The following MYO9B variants were observed in gnomAD, a reference collection of about 807,000 sequenced individuals.
MYO9B encodes myosin IXB, also known as unconventional myosin-IXb.
MYO9B carries 71 observed loss-of-function variants against 229.5 expected under a neutral mutation model. The ratio of observed to expected loss-of-function variants is 0.31; its 90% confidence interval spans 0.26 to 0.38. The LOEUF (loss-of-function observed/expected upper bound fraction) is 0.38, where lower values mean the gene tolerates loss of function less well. Ranked by LOEUF, MYO9B falls within the 10% of genes least tolerant of loss-of-function variation. The probability of loss-of-function intolerance (pLI) is 1.00; values close to 1 mark genes in which losing one functional copy is unlikely to be tolerated. For synonymous variants in MYO9B, 1,185 were observed against 1,235.8 expected (o/e 0.96, Z 0.86); for missense variants, 2,255 against 2,920.5 (o/e 0.77, Z 5.25).
chr19:17,158,593 TAAA>T (rs77913861), intron 7 of MYO9B, among the ~76,000 whole-genome samples: 1 of 137,952 alleles, frequency 7.2e-6, no homozygotes, highest in African/African-American at 2.7e-5. Flanking sequence ...AGACTCCATC[TAAA>T]AAAAAAAAAA....
At chr19:17,125,343 T>G (rs760625766) in intron 2 of MYO9B, among the ~76,000 whole-genome samples, 7 of 124,066 alleles carry the variant, frequency 5.6e-5, no homozygotes, top group Non-Finnish European at 1.1e-4. Flanking sequence ...AGGGGAAATA[T>G]GATAAATTCT....
chr19:17,183,369 A>G (rs753834974), intron 15 of MYO9B, among the ~76,000 whole-genome samples: 2 of 152,152 alleles, frequency 1.3e-5, no homozygotes, highest in Non-Finnish European at 2.9e-5. Flanking sequence ...ATCTACCAGC[A>G]CATGGCAAAG....
At chr19:17,183,947 G>A in intron 16 of MYO9B, 79 bp downstream of exon 16, 1 of 1,361,320 alleles carries the variant, frequency 7.3e-7, no homozygotes, top group South Asian at 1.3e-5. Context: ...TTTCACTTCT[G>A]CAACTTCATT....
rs775033662 is a variant in MYO9B at position 17,195,763 on chromosome 19, G to T, written c.4046+290G>T. ...GGCTCCTCAGGTCAAGGTCCCTGCT[G>T]CCCAGAAATCTTGGGCCTTGGTTTC... On this transcript the variant is annotated intron_variant, in intron 22 of 39. Transcript: ENST00000682292. This position sits in a 1 kb window ranked among gnomAD's most constrained non-coding sequence, Gnocchi z 4.5. Among the ~76,000 whole-genome samples, 8 of 152,128 alleles carry T rather than the reference G, an allele frequency of 5.3e-5. No homozygotes were observed. The highest frequency in any genetic ancestry group is 4.1e-4 in the South Asian group (2 of 4,828).
intron 1 of MYO9B, among the ~76,000 whole-genome samples, chr19:17,096,362 A>T (rs1027755616): frequency 6.6e-6 from 1 of 152,098 alleles, no homozygotes; most frequent in Non-Finnish European, 1.5e-5. Context: ...GAAACTGCTG[A>T]AGTGTTTTCT....
intron 2 of MYO9B, chr19:17,103,921 T>A (rs2057768937): frequency 6.6e-6 from 1 of 151,906 alleles, no homozygotes; most frequent in South Asian, 2.1e-4. Context: ...CCAGGCATGA[T>A]GGTGTGTGCC....
chr19:17,181,773 C>T (rs981481943), intron 15 of MYO9B, among the ~76,000 whole-genome samples: 22 of 152,092 alleles, frequency 1.4e-4, no homozygotes, highest in African/African-American at 3.9e-4. Context: ...TTCTTTATTT[C>T]GTTCTTTCGT....
intron 2 of MYO9B, among the ~76,000 whole-genome samples, chr19:17,139,560 C>G (rs1395676698): frequency 2.0e-5 from 3 of 152,188 alleles, no homozygotes; most frequent in Non-Finnish European, 4.4e-5. Flanking sequence ...GCCTGGGCAA[C>G]ACAGTGAAAC....
chr19:17,185,158 G>A (rs997614876), intron 17 of MYO9B, among the ~76,000 whole-genome samples, 171 bp downstream of exon 17: 5 of 152,108 alleles, frequency 3.3e-5, no homozygotes, highest in African/African-American at 1.2e-4. Context: ...GGCGGATCAC[G>A]AGGTCAGGAG....
chr19:17,156,397 A>G (rs1229344320), intron 6 of MYO9B, among the ~76,000 whole-genome samples: 2 of 152,046 alleles, frequency 1.3e-5, no homozygotes, highest in Non-Finnish European at 2.9e-5. Context: ...CCTGGGTGAC[A>G]GAGTGAGACC....
chr19:17,112,689 G>A lies in MYO9B; in HGVS notation c.840+10132G>A, dbSNP rs987872300. The stretch of plus-strand genomic sequence containing the variant: ...GGTGCTTCGTTCAAGCAGCTGATGG[G>A]GCATCCAAGGGAGAATTGTGCACCA... On this transcript the variant is annotated intron_variant, in intron 2 of 39. Transcript: ENST00000682292. Among the ~76,000 whole-genome samples, 16 of 152,290 alleles carry A rather than the reference G, an allele frequency of 1.1e-4. 1 individual carries two copies. Among genetic ancestry groups the A allele is most frequent in the South Asian group, 1.0e-3 (5 of 4,830 alleles).
chr19:17,168,806 T>C (rs1351706549), intron 11 of MYO9B, among the ~76,000 whole-genome samples: 1 of 151,802 alleles, frequency 6.6e-6, no homozygotes, highest in Non-Finnish European at 1.5e-5. Flanking sequence ...TGGCGAGTTG[T>C]TACAAAGGGC....
In MYO9B at chr19:17,136,967, C is replaced by T. The variant is rs563915600; in HGVS notation, c.841-8430C>T. ...AAATTAGGCCAGGCACAGAGGCTCA[C>T]GCCTGTAATCCCAGCACTTTGGGAA... is the stretch of plus-strand genomic sequence containing the variant. On this transcript the variant is annotated intron_variant, in intron 2 of 39. Coordinates refer to ENST00000682292, the MANE Select transcript of MYO9B (RefSeq NM_004145.4). Among the ~76,000 whole-genome samples, 13 of 152,302 alleles carry T rather than the reference C, an allele frequency of 8.5e-5. No individual in the cohort carries two copies. In the South Asian group the frequency reaches 1.5e-3, roughly 17 times the overall value.
At chr19:17,094,551 C>G (rs140779160) in intron 1 of MYO9B, among the ~76,000 whole-genome samples, 2 of 152,160 alleles carry the variant, frequency 1.3e-5, no homozygotes, top group African/African-American at 2.4e-5. Context: ...GGTCAATTTG[C>G]ATTTTCTAGA....
chr19:17,102,253 C>T lies in MYO9B; in HGVS notation c.536C>T (p.Ala179Val), dbSNP rs377237168. 3.5e-5 allele frequency: 57 copies of T among 1,613,920 alleles called. No individual in the cohort carries two copies. The highest frequency in any genetic ancestry group is 1.2e-4 in the Admixed American group (7 of 60,006). Reference protein sequence around the residue: ...RFLQQKIYTYAGSILVAINPF... With the variant: ...RFLQQKIYTYVGSILVAINPF... ...CTGCAACAAAAGATCTACACGTACG[C>T]GGGGAGCATCCTGGTGGCCATCAAC... is the stretch of plus-strand genomic sequence containing the variant. Residue 179 changes from alanine to valine, a missense_variant, in exon 2 of 40, where the codon GCG becomes GTG. By Grantham distance (64) the Ala-to-Val change is moderately conservative (BLOSUM62 0). Around this residue, in one of 7 missense-constraint regions of MYO9B, gnomAD observed 386 missense variants for 515.2 expected, o/e 0.75. Transcript: ENST00000682292.
Position 17,102,291 on chromosome 19 carries a change from C to T in MYO9B, c.574C>T (p.Leu192=). ...ILVAINPFKF[L]PIYNPKYVKM... is the part of the protein sequence containing the mutation. Reference sequence around the variant, plus strand: ...GGTGGCCATCAACCCCTTTAAGTTCCTGCCCATCTACAACCCCAAGTACGT... The same window carrying T: ...GGTGGCCATCAACCCCTTTAAGTTCTTGCCCATCTACAACCCCAAGTACGT... Residue 192 remains leucine, a synonymous_variant, in exon 2 of 40, where the codon CTG becomes TTG. Transcript: ENST00000682292. 1 of 1,614,062 alleles carries T rather than the reference C, an allele frequency of 6.2e-7. No homozygotes were observed. The highest frequency in any genetic ancestry group is 8.5e-7 in the Non-Finnish European group (1 of 1,179,910).
chr19:17,153,665 C>T (rs998293588), intron 4 of MYO9B, among the ~76,000 whole-genome samples: 2 of 149,358 alleles, frequency 1.3e-5, no homozygotes, highest in Admixed American at 1.3e-4. Context: ...CACTGCACTC[C>T]AGCCTGAGTA....
chr19:17,105,224 A>G lies in MYO9B; in HGVS notation c.840+2667A>G, dbSNP rs1047558082. ...ATGTCAGTTGGGCACGGTGGCTTAC[A>G]TAATCCCAGTGCACTGGGAGGCCGA... On this transcript the variant is annotated intron_variant, in intron 2 of 39. Coordinates refer to ENST00000682292, the MANE Select transcript of MYO9B (RefSeq NM_004145.4). Among the ~76,000 whole-genome samples, 4 of 150,960 alleles carry G rather than the reference A, an allele frequency of 2.6e-5. No homozygotes were observed. In the East Asian group the frequency reaches 5.9e-4, roughly 22 times the overall value.
At chr19:17,141,329 C>G (rs1380974428) in intron 2 of MYO9B, among the ~76,000 whole-genome samples, 1 of 152,144 alleles carries the variant, frequency 6.6e-6, no homozygotes. Flanking sequence ...TCGCTCTCTC[C>G]TATCCCCTGG....
Sources: gnomAD v4.1 joint callset for allele counts (sites outside exome capture counted in the v4.1 genomes callset) on GRCh38, gnomAD v4.1.1 for gene constraint, gnomAD v4.1.1 regional missense constraint, Gnocchi (gnomAD v3.1) non-coding constraint, MANE v1.5 for transcripts, NCBI Gene and HGNC (gene_info 2026-07-23, HGNC 2026-07-21) for gene names.